The following ZSCAN21 variants were observed in gnomAD, a reference collection of about 807,000 sequenced individuals.
ZSCAN21 encodes zinc finger and SCAN domain-containing protein 21.
A neutral mutation model predicts 35.6 loss-of-function variants in ZSCAN21; 26 were observed. That is an observed-to-expected ratio of 0.73 (90% confidence interval 0.54 to 1.01). The LOEUF (loss-of-function observed/expected upper bound fraction) is 1.01, where lower values mean the gene tolerates loss of function less well. ZSCAN21 is among the 50% of genes least tolerant of loss of function. The pLI, the probability that ZSCAN21 is intolerant of heterozygous loss-of-function variation, is 0.00. For synonymous variants in ZSCAN21, 219 were observed against 219.3 expected (o/e 1.00, Z 0.01); for missense variants, 593 against 587.1 (o/e 1.01, Z -0.10).
At chr7:100,050,274 T>C (rs1791812159) in intron 1 of ZSCAN21, among the ~76,000 whole-genome samples, 1 of 151,952 alleles carries the variant, frequency 6.6e-6, no homozygotes, top group Non-Finnish European at 1.5e-5. Flanking sequence ...TTAGAAGTGT[T>C]GGGTAGAATC....
intron 1 of ZSCAN21, among the ~76,000 whole-genome samples, chr7:100,053,546 ATT>A (rs1554358004): frequency 2.5e-5 from 2 of 79,486 alleles, no homozygotes; most frequent in Admixed American, 1.2e-4. Context: ...TACATACATA[ATT>A]TTTTTTTTTT....
At position 100,064,858 on chromosome 7, in the gene ZSCAN21, C is replaced by G. The variant is rs1562852819; in HGVS notation, c.*241C>G. On this transcript the variant is annotated 3_prime_UTR_variant, in exon 4 of 4. Transcript: ENST00000292450. ...GAGTCCCTTCGCCACACTTAGGGTCCCAGTAAGCCATGCCAGCATTACCTT... is the reference window on the plus strand; with the variant it reads ...GAGTCCCTTCGCCACACTTAGGGTCGCAGTAAGCCATGCCAGCATTACCTT... 2.5e-6 allele frequency: 4 copies of G among 1,613,516 alleles called. No homozygotes were observed. The highest frequency in any genetic ancestry group is 1.6e-4 in the Middle Eastern group (1 of 6,062).
intron 3 of ZSCAN21, among the ~76,000 whole-genome samples, chr7:100,059,604 G>A (rs1027171924): frequency 2.1e-5 from 3 of 144,584 alleles, no homozygotes; most frequent in Non-Finnish European, 4.5e-5. Context: ...CTAGGCTGGA[G>A]TGCATTTATG....
Position 100,063,986 on chromosome 7 carries a change from A to G in ZSCAN21, c.791A>G (p.Glu264Gly), listed in dbSNP as rs1466009151. ...LQEAGSKKGR[E>G]SVPTKPTPGE... ...GAGGCAGGCTCCAAGAAAGGTAGAGAATCAGTTCCTACTAAACCTACCCCA... is the reference window on the plus strand; with the variant it reads ...GAGGCAGGCTCCAAGAAAGGTAGAGGATCAGTTCCTACTAAACCTACCCCA... Residue 264 changes from glutamate to glycine, a missense_variant, in exon 4 of 4, where the codon GAA becomes GGA. Coordinates refer to ENST00000292450, the MANE Select transcript of ZSCAN21 (RefSeq NM_145914.3). The G allele has an allele frequency of 6.2e-7, 1 of 1,614,182 alleles. No individual in the cohort carries two copies. Among genetic ancestry groups the G allele is most frequent in the South Asian group, 1.1e-5 (1 of 91,092 alleles).
chr7:100,050,005 C>G lies in ZSCAN21; in HGVS notation c.-97+164C>G, dbSNP rs564146319. Reference sequence around the variant, plus strand: ...GGAGCTCCTCGTCCCCGCCCAGGACCAGCTGGTGGGGGCGCTGGCTGCCTG... The same window carrying G: ...GGAGCTCCTCGTCCCCGCCCAGGACGAGCTGGTGGGGGCGCTGGCTGCCTG... On this transcript the variant is annotated intron_variant, in intron 1 of 3. Transcript: ENST00000292450. Among the ~76,000 whole-genome samples the G allele has an allele frequency of 1.9e-3, 289 of 151,320 alleles. 2 individuals are homozygous for G. The highest frequency in any genetic ancestry group is 6.8e-3 in the African/African-American group (278 of 40,626).
chr7:100,056,468 ATTT>A lies in ZSCAN21; in HGVS notation c.-96-432_-96-430del, dbSNP rs67965281. On this transcript the variant is annotated intron_variant, in intron 1 of 3. Coordinates refer to ENST00000292450, the MANE Select transcript of ZSCAN21 (RefSeq NM_145914.3). ...GATATCCTGAGCTGATTGCAGAAAG[ATTT>A]TTTTTTTTTTAGAGATGGAATCTCG... Among the ~76,000 whole-genome samples the A allele has an allele frequency of 1.0e-4, 15 of 147,682 alleles. 1 individual carries two copies. The highest frequency in any genetic ancestry group is 3.5e-4 in the African/African-American group (14 of 40,320).
chr7:100,058,956 TCATTTACCAG>T (rs1792180798), intron 3 of ZSCAN21, among the ~76,000 whole-genome samples: 1 of 152,254 alleles, frequency 6.6e-6, no homozygotes. Flanking sequence ...TTAAGTACCT[TCATTTACCAG>T]AAGGATTAGA....
At chr7:100,059,382 T>C (rs903578080) in intron 3 of ZSCAN21, among the ~76,000 whole-genome samples, 16 of 152,182 alleles carry the variant, frequency 1.1e-4, no homozygotes, top group Admixed American at 1.0e-3. Flanking sequence ...TTATTTTCCA[T>C]ATCTCTTGGT....
chr7:100,052,057 A>G (rs1294572679), intron 1 of ZSCAN21, among the ~76,000 whole-genome samples: 1 of 151,916 alleles, frequency 6.6e-6, no homozygotes, highest in Non-Finnish European at 1.5e-5. Context: ...GCAACAAAGC[A>G]AGACTTCGTT....
chr7:100,060,344 A>G (rs1049107992), intron 3 of ZSCAN21, among the ~76,000 whole-genome samples: 4 of 152,080 alleles, frequency 2.6e-5, no homozygotes, highest in African/African-American at 9.7e-5. Flanking sequence ...AGGGCGGATC[A>G]TGAGGTCAGG....
At position 100,063,915 on chromosome 7, in the gene ZSCAN21, G is replaced by A; in HGVS notation, c.720G>A (p.Gln240=). 6.2e-7 allele frequency: 1 copy of A among 1,614,168 alleles called. No homozygotes were observed. Among genetic ancestry groups the A allele is most frequent in the Non-Finnish European group, 8.5e-7 (1 of 1,180,046 alleles). Residue 240 remains glutamine, a synonymous_variant, in exon 4 of 4, where the codon CAG becomes CAA. Transcript: ENST00000292450. ...AACCTGAGGCCAGCTTAGAGAGGCA[G>A]TGCGTAAACCTTGAAAATGAAAAAG... ...ANKPEASLER[Q]CVNLENEKGT... is the part of the protein sequence containing the mutation.
intron 3 of ZSCAN21, among the ~76,000 whole-genome samples, chr7:100,063,262 C>T (rs986610793): frequency 2.0e-5 from 3 of 152,232 alleles, no homozygotes; most frequent in African/African-American, 7.2e-5. Context: ...AAGCCACGTT[C>T]TCTTCACATC....
At chr7:100,059,723 T>TA (rs554356927) in intron 3 of ZSCAN21, among the ~76,000 whole-genome samples, 187 of 150,958 alleles carry the variant, frequency 1.2e-3, no homozygotes, top group African/African-American at 4.0e-3. Flanking sequence ...CAGCTCTTTT[T>TA]AAAAAAACAG....
chr7:100,059,871 G>A (rs565340828), intron 3 of ZSCAN21, among the ~76,000 whole-genome samples: 3 of 152,200 alleles, frequency 2.0e-5, no homozygotes, highest in East Asian at 1.9e-4. Flanking sequence ...TACCATGCTC[G>A]GCTAATTTTT....
Position 100,057,084 on chromosome 7 carries a change from A to C in ZSCAN21, c.78A>C (p.Val26=), listed in dbSNP as rs1037748417. Reference sequence around the variant, plus strand: ...AGGAGCAGGTGGGGCCTCTGATGGTAAAAGTCGAGGAGAAAGAAGAGAAAG... The same window carrying C: ...AGGAGCAGGTGGGGCCTCTGATGGTCAAAGTCGAGGAGAAAGAAGAGAAAG... ...PPQEQVGPLM[V]KVEEKEEKGK... is the part of the protein sequence containing the mutation. Residue 26 remains valine (V), a synonymous_variant, in exon 2 of 4, where the codon GTA becomes GTC. Coordinates refer to ENST00000292450, the MANE Select transcript of ZSCAN21 (RefSeq NM_145914.3). The C allele has an allele frequency of 6.2e-7, 1 of 1,613,952 alleles. No homozygotes were observed. The highest frequency in any genetic ancestry group is 1.3e-5 in the African/African-American group (1 of 74,910).
chr7:100,051,178 C>CAAAAAAAAAAAAA lies in ZSCAN21; in HGVS notation c.-97+1350_-97+1362dup, dbSNP rs369246193. Among the ~76,000 whole-genome samples the CAAAAAAAAAAAAA allele has an allele frequency of 2.8e-3, 115 of 41,362 alleles. 13 individuals are homozygous for CAAAAAAAAAAAAA. Among genetic ancestry groups the CAAAAAAAAAAAAA allele is most frequent in the African/African-American group, 9.9e-3 (88 of 8,850 alleles). 27.1% of individuals were successfully genotyped at this position (41,362 alleles called of 152,430 possible). On this transcript the variant is annotated intron_variant, in intron 1 of 3. Transcript: ENST00000292450. ...GGGAAACAAGAGTGAAACTACGTCT[C>CAAAAAAAAAAAAA]AAAAAAAAAAAAAAAAAAAAAAAAA...
At chr7:100,050,352 C>T (rs1791814982) in intron 1 of ZSCAN21, among the ~76,000 whole-genome samples, 1 of 152,144 alleles carries the variant, frequency 6.6e-6, no homozygotes, top group African/African-American at 2.4e-5. Context: ...GAATAGGGAT[C>T]TGCTCATGGT....
chr7:100,053,849 G>A (rs1391625964), intron 1 of ZSCAN21, among the ~76,000 whole-genome samples: 1 of 152,014 alleles, frequency 6.6e-6, no homozygotes, highest in Non-Finnish European at 1.5e-5. Flanking sequence ...CCCATCTTTA[G>A]TGAGGCTATT....
intron 3 of ZSCAN21, among the ~76,000 whole-genome samples, chr7:100,062,281 C>CTTTT (rs921079005): frequency 1.0e-5 from 1 of 96,622 alleles, no homozygotes; most frequent in Admixed American, 1.1e-4. Context: ...CTCAACTGTT[C>CTTTT]TTTTTTTTTT....
Sources: allele counts gnomAD v4.1 joint callset (sites outside exome capture counted in the v4.1 genomes callset), GRCh38; gene constraint gnomAD v4.1.1; transcripts MANE v1.5; gene names NCBI Gene and HGNC (gene_info 2026-07-23, HGNC 2026-07-21).